TCAF1: variants seen among roughly 807,000 people sequenced by gnomAD.
TCAF1 encodes TRPM8 channel associated factor 1, also known as TRPM8 channel-associated factor 1.
A neutral mutation model predicts 27.3 loss-of-function variants in TCAF1; 4 were observed. The ratio of observed to expected loss-of-function variants is 0.15; its 90% CI spans 0.07 to 0.34. The LOEUF (loss-of-function observed/expected upper bound fraction) is 0.34. Among genes scored for constraint, TCAF1 ranks in the 10% least tolerant of loss-of-function variants. TCAF1 has a pLI of 1.00. For synonymous variants in TCAF1, 105 were observed against 167.1 expected, an observed-to-expected ratio of 0.63 and a Z score of 2.87; for missense variants, 257 against 425.8, an observed-to-expected ratio of 0.60 and a Z score of 3.49.
intron 1 of TCAF1, among the ~76,000 whole-genome samples, chr7:143,890,011 C>CGG (rs1353747186): frequency 2.0e-5 from 3 of 147,544 alleles, no homozygotes; most frequent in Non-Finnish European, 4.5e-5. Flanking sequence ...TTTTTTGAGA[C>CGG]GGAGTCTCGC....
At chr7:143,889,085 A>G (rs1018708828) in intron 1 of TCAF1, among the ~76,000 whole-genome samples, 1 of 152,194 alleles carries the variant, frequency 6.6e-6, no homozygotes, top group African/African-American at 2.4e-5. Context: ...GAATTACTGA[A>G]CTGGATCTGG....
intron 1 of TCAF1, chr7:143,886,565 G>A (rs1207292623): frequency 2.0e-6 from 2 of 982,540 alleles, no homozygotes; most frequent in Non-Finnish European, 2.4e-6. Context: ...GGGTAAGAAA[G>A]AAAATCCTTA....
Position 143,883,508 on chromosome 7 carries a change from T to C in TCAF1, c.-14-6886A>G, listed in dbSNP as rs968244766. 1.1e-4 allele frequency among the ~76,000 whole-genome samples: 15 copies of C among 136,138 alleles called. No homozygotes were observed. In the South Asian group the frequency reaches 1.7e-3, roughly 15 times the overall value. 89.3% of individuals were successfully genotyped at this position (136,138 alleles called of 152,430 possible). A position where few individuals can be genotyped will look rare whatever the true frequency, so the allele number is the denominator to read the frequency against. On this transcript the variant is annotated intron_variant, in intron 1 of 8. Coordinates refer to ENST00000479870, the MANE Select transcript of TCAF1 (RefSeq NM_014719.3). Reference sequence around the variant, plus strand: ...TTCTTTCTTTCCTTTTTCTTTTTTTTTTTTTTTTTTTTTTTGAGACGGAGT... The same window carrying C: ...TTCTTTCTTTCCTTTTTCTTTTTTTCTTTTTTTTTTTTTTTGAGACGGAGT...
At position 143,860,020 on chromosome 7, in the gene TCAF1, T is replaced by A. The variant is rs11772007; in HGVS notation, c.2167+188A>T. ...TTATATAATATATATATAATATATA[T>A]TATATATTATATATATAATATATAA... is the stretch of plus-strand genomic sequence containing the variant. On this transcript the variant is annotated intron_variant, in intron 6 of 8. Transcript: ENST00000479870. Among the ~76,000 whole-genome samples, 51 of 13,682 alleles carry A rather than the reference T, an allele frequency of 3.7e-3. 2 individuals are homozygous for A. Among genetic ancestry groups the A allele is most frequent in the African/African-American group, 5.1e-3 (28 of 5,508 alleles). The allele number at this position is 13,682 out of a possible 152,430, so 9.0% of individuals were successfully genotyped here.
At chr7:143,897,942 G>A (rs532822150) in intron 1 of TCAF1, among the ~76,000 whole-genome samples, 23 of 152,078 alleles carry the variant, frequency 1.5e-4, no homozygotes, top group Middle Eastern at 3.4e-3. Context: ...TAAATCACAC[G>A]TATAAATATA....
chr7:143,877,147 T>C (rs1812762609), intron 1 of TCAF1, among the ~76,000 whole-genome samples: 1 of 152,124 alleles, frequency 6.6e-6, no homozygotes, highest in Non-Finnish European at 1.5e-5. Flanking sequence ...AGGAGCTAAG[T>C]GAGAGGCCGG....
intron 1 of TCAF1, among the ~76,000 whole-genome samples, chr7:143,879,572 C>T (rs192626832): frequency 6.6e-6 from 1 of 152,104 alleles, no homozygotes; most frequent in African/African-American, 2.4e-5. Flanking sequence ...TTCTAATAAC[C>T]GTTCTTACAG....
At chr7:143,889,864 A>G (rs1455369169) in intron 1 of TCAF1, among the ~76,000 whole-genome samples, 1 of 152,240 alleles carries the variant, frequency 6.6e-6, no homozygotes, top group African/African-American at 2.4e-5. Flanking sequence ...GACTTTGCCC[A>G]TTCCTCTCAT....
chr7:143,893,025 C>A (rs1562972235), intron 1 of TCAF1, among the ~76,000 whole-genome samples: 1 of 151,828 alleles, frequency 6.6e-6, no homozygotes, highest in Non-Finnish European at 1.5e-5. Context: ...GATTAAAAAT[C>A]CAATTAGAAA....
intron 1 of TCAF1, among the ~76,000 whole-genome samples, chr7:143,897,304 C>T (rs1813929721): frequency 2.0e-5 from 3 of 151,470 alleles, no homozygotes; most frequent in Non-Finnish European, 3.0e-5. Context: ...CCTTAGCCTA[C>T]TCAATGTGAA....
chr7:143,870,587 C>A (rs1242892576), intron 2 of TCAF1, among the ~76,000 whole-genome samples: 1 of 152,228 alleles, frequency 6.6e-6, no homozygotes, highest in South Asian at 2.1e-4. Context: ...GATTTCAATT[C>A]TTTTACTCTT....
chr7:143,881,548 T>C (rs534410226), intron 1 of TCAF1, among the ~76,000 whole-genome samples: 5 of 152,316 alleles, frequency 3.3e-5, no homozygotes, highest in African/African-American at 1.2e-4. Flanking sequence ...GTTTAATTCA[T>C]ACACCTGTAA....
chr7:143,896,853 T>C (rs913861985), intron 1 of TCAF1, among the ~76,000 whole-genome samples: 2 of 151,178 alleles, frequency 1.3e-5, no homozygotes, highest in African/African-American at 4.8e-5. Context: ...TCAAAATTAA[T>C]GAGCTAAGCA....
chr7:143,880,206 C>T (rs1812941063), intron 1 of TCAF1, among the ~76,000 whole-genome samples: 2 of 152,178 alleles, frequency 1.3e-5, no homozygotes, highest in African/African-American at 4.8e-5. Context: ...TTAATGCTGA[C>T]AATAAACCTA....
chr7:143,898,838 C>T (rs1221067922), intron 1 of TCAF1, among the ~76,000 whole-genome samples: 4 of 152,134 alleles, frequency 2.6e-5, no homozygotes, highest in Non-Finnish European at 5.9e-5. Flanking sequence ...AAGAGGTGGG[C>T]TTAATGAGAG....
At chr7:143,901,082 T>TA in intron 1 of TCAF1, among the ~76,000 whole-genome samples, 1 of 152,296 alleles carries the variant, frequency 6.6e-6, no homozygotes, top group African/African-American at 2.4e-5. Flanking sequence ...GCTTCTAAGG[T>TA]ACTGTGACGC....
intron 1 of TCAF1, among the ~76,000 whole-genome samples, chr7:143,881,695 T>G (rs938973518): frequency 2.6e-5 from 4 of 152,136 alleles, no homozygotes; most frequent in Non-Finnish European, 4.4e-5. Context: ...CCTGTGATCC[T>G]CCCCATTCAG....
rs113057886 is a variant in TCAF1 at position 143,886,091 on chromosome 7, A to C, written c.-14-9469T>G. Among the ~76,000 whole-genome samples the C allele has an allele frequency of 7.4e-3, 1,130 of 152,322 alleles. 15 individuals are homozygous for C. The highest frequency in any genetic ancestry group is 0.028 in the South Asian group (135 of 4,822). ...GGAGCAGGAACTGGCTTTATGCCTG[A>C]CCAGGTCCTGCACTCGCATCTACTC... On this transcript the variant is annotated intron_variant, in intron 1 of 8. Coordinates refer to ENST00000479870, the MANE Select transcript of TCAF1 (RefSeq NM_014719.3).
At chr7:143,882,805 G>A (rs1228449278) in intron 1 of TCAF1, 1 of 985,646 alleles carries the variant, frequency 1.0e-6, no homozygotes, top group Non-Finnish European at 1.2e-6. Flanking sequence ...GGAATGCACA[G>A]GGAAGAGGCT....
Sources: allele counts gnomAD v4.1 joint callset (sites outside exome capture counted in the v4.1 genomes callset), GRCh38; gene constraint gnomAD v4.1.1; transcripts MANE v1.5; gene names NCBI Gene and HGNC (gene_info 2026-07-23, HGNC 2026-07-21).